PRIMA1: variants seen among roughly 807,000 people sequenced by gnomAD.
PRIMA1 encodes proline-rich membrane anchor 1.
PRIMA1 carries 7 observed loss-of-function variants against 17.5 expected under a neutral mutation model. The ratio of observed to expected loss-of-function variants is 0.40; its 90% CI spans 0.23 to 0.75. The LOEUF is 0.75. Ranked by LOEUF, PRIMA1 falls within the 30% of genes least tolerant of loss-of-function variation. The pLI, the probability that PRIMA1 is intolerant of heterozygous loss-of-function variation, is 0.37. For synonymous variants in PRIMA1, 97 were observed against 77.9 expected, an observed-to-expected ratio of 1.25 and a Z score of -1.29; for missense variants, 200 against 201.8, an observed-to-expected ratio of 0.99 and a Z score of 0.05.
At chr14:93,766,662 G>A (rs551764960) in intron 3 of PRIMA1, among the ~76,000 whole-genome samples, 56 of 152,208 alleles carry the variant, frequency 3.7e-4, no homozygotes, top group Admixed American at 3.3e-3. Context: ...ACAAACCTTT[G>A]GTAAACAAAT....
intron 3 of PRIMA1, among the ~76,000 whole-genome samples, chr14:93,759,202 C>T (rs1214008864): frequency 6.6e-6 from 1 of 152,088 alleles, no homozygotes; most frequent in African/African-American, 2.4e-5. Context: ...AGTTGCTCAG[C>T]GGGTCTCTAT....
chr14:93,738,455 G>A (rs1002669137), intron 3 of PRIMA1, among the ~76,000 whole-genome samples: 9 of 152,190 alleles, frequency 5.9e-5, no homozygotes, highest in African/African-American at 2.2e-4. Context: ...GAGGGAGGAA[G>A]GAAGGGATGG....
chr14:93,769,225 C>T (rs10148032), intron 3 of PRIMA1, among the ~76,000 whole-genome samples: 136,882 of 151,900 alleles, frequency 0.9, 62,355 homozygotes, highest in Non-Finnish European at 0.96. Flanking sequence ...TATACAGTGA[C>T]GAGAGATCTC....
chr14:93,734,944 C>G (rs2141159237), intron 4 of PRIMA1, among the ~76,000 whole-genome samples: 1 of 152,294 alleles, frequency 6.6e-6, no homozygotes, highest in East Asian at 1.9e-4. Context: ...AGCCCCCAGC[C>G]CACCTGAGAC....
chr14:93,749,549 G>A (rs936763300), intron 3 of PRIMA1, among the ~76,000 whole-genome samples: 3 of 152,102 alleles, frequency 2.0e-5, no homozygotes, highest in African/African-American at 7.2e-5. Context: ...ACAACAGGAA[G>A]CTGACAAACA....
At chr14:93,724,081 C>T (rs1419847085) in intron 4 of PRIMA1, among the ~76,000 whole-genome samples, 2 of 152,084 alleles carry the variant, frequency 1.3e-5, no homozygotes, top group Non-Finnish European at 2.9e-5. Context: ...GACAGGGTCT[C>T]GCTATGTTGC....
chr14:93,736,798 A>G (rs1438677490), intron 4 of PRIMA1, among the ~76,000 whole-genome samples: 1 of 152,216 alleles, frequency 6.6e-6, no homozygotes, highest in Non-Finnish European at 1.5e-5. Context: ...GTGGCCCTCT[A>G]ATTTTGGGAG....
intron 3 of PRIMA1, among the ~76,000 whole-genome samples, chr14:93,756,431 A>T (rs932037100): frequency 6.6e-6 from 1 of 152,162 alleles, no homozygotes; most frequent in Non-Finnish European, 1.5e-5. Flanking sequence ...AAATAAATGC[A>T]GCCTTCTTAG....
chr14:93,770,218 G>A (rs971765373), intron 3 of PRIMA1, among the ~76,000 whole-genome samples: 1 of 151,970 alleles, frequency 6.6e-6, no homozygotes, highest in Non-Finnish European at 1.5e-5. Context: ...TCCTCACTGG[G>A]CTCCCAGCCT....
chr14:93,783,398 G>A (rs1885437674), intron 2 of PRIMA1, among the ~76,000 whole-genome samples: 1 of 152,234 alleles, frequency 6.6e-6, no homozygotes, highest in Admixed American at 6.5e-5. Flanking sequence ...GGGAAACACA[G>A]GATCTGTCCC....
intron 3 of PRIMA1, among the ~76,000 whole-genome samples, chr14:93,742,928 G>C (rs2076193395): frequency 6.6e-6 from 1 of 152,232 alleles, no homozygotes; most frequent in African/African-American, 2.4e-5. Flanking sequence ...CGGGCAAACA[G>C]CTTTCCCCGT....
intron 3 of PRIMA1, among the ~76,000 whole-genome samples, chr14:93,766,763 T>C (rs1884903348): frequency 6.6e-6 from 1 of 152,098 alleles, no homozygotes; most frequent in Non-Finnish European, 1.5e-5. Context: ...TTTAATATTT[T>C]CCCATGAACA....
chr14:93,769,960 G>A (rs564646982), intron 3 of PRIMA1, among the ~76,000 whole-genome samples: 10 of 152,240 alleles, frequency 6.6e-5, no homozygotes, highest in South Asian at 6.2e-4. Context: ...CAGATATCAG[G>A]AGGACCAAGG....
intron 4 of PRIMA1, among the ~76,000 whole-genome samples, chr14:93,727,424 C>A (rs1045057472): frequency 1.3e-5 from 2 of 152,228 alleles, no homozygotes; most frequent in Non-Finnish European, 2.9e-5. Flanking sequence ...GAGCCCTGGA[C>A]AGGGACCTCC....
Position 93,721,275 on chromosome 14 carries a change from G to T in PRIMA1, c.*169C>A. On this transcript the variant is annotated 3_prime_UTR_variant, in exon 5 of 5. Coordinates refer to ENST00000393140, the MANE Select transcript of PRIMA1 (RefSeq NM_178013.4). ...TCCGAGCTGCCTGGGCCCGCAGGCT[G>T]ACCAGGGGCAAGCCTGGGAAGACAA... 1 of 584,748 alleles carries T rather than the reference G, an allele frequency of 1.7e-6. No individual in the cohort carries two copies. Among genetic ancestry groups the T allele is most frequent in the Non-Finnish European group, 3.0e-6 (1 of 330,310 alleles). The allele number at this position is 584,748 out of a possible 1,614,324, so 36.2% of individuals were successfully genotyped here.
intron 3 of PRIMA1, among the ~76,000 whole-genome samples, chr14:93,772,649 A>G (rs1480908353): frequency 6.6e-6 from 1 of 152,252 alleles, no homozygotes; most frequent in Non-Finnish European, 1.5e-5. Flanking sequence ...CCTTCCAGAA[A>G]TACCTTCACC....
chr14:93,788,254 A>G (rs1163669717), intron 1 of PRIMA1, among the ~76,000 whole-genome samples, 156 bp downstream of exon 1: 1 of 152,052 alleles, frequency 6.6e-6, no homozygotes, highest in Admixed American at 6.5e-5. Context: ...GCCTGCACCC[A>G]CACTGCCCAG....
rs2076028494 is a variant in PRIMA1 at position 93,720,216 on chromosome 14, G to A, written c.*1228C>T. Reference sequence around the variant, plus strand: ...GATGCAAAATCACCCTGTCTCCGTGGGTTTCCTGATGTGGCCCACAGGGAA... The same window carrying A: ...GATGCAAAATCACCCTGTCTCCGTGAGTTTCCTGATGTGGCCCACAGGGAA... On this transcript the variant is annotated 3_prime_UTR_variant, in exon 5 of 5. Transcript: ENST00000393140. 3 of 152,236 alleles carry A rather than the reference G, an allele frequency of 2.0e-5. No homozygotes were observed. Among genetic ancestry groups the A allele is most frequent in the Admixed American group, 1.3e-4 (2 of 15,286 alleles). 9.4% of individuals were successfully genotyped at this position (152,236 alleles called of 1,614,324 possible). A position where few individuals can be genotyped will look rare whatever the true frequency, so the allele number is the denominator to read the frequency against.
At chr14:93,762,490 G>A (rs6575354) in intron 3 of PRIMA1, among the ~76,000 whole-genome samples, 62,972 of 151,198 alleles carry the variant, frequency 0.42, 13,399 homozygotes, top group Non-Finnish European at 0.45. Flanking sequence ...TGTTCCCCTG[G>A]GACACCACCC....
Sources: gnomAD v4.1 joint callset for allele counts (sites outside exome capture counted in the v4.1 genomes callset) on GRCh38, gnomAD v4.1.1 for gene constraint, MANE v1.5 for transcripts, NCBI Gene and HGNC (gene_info 2026-07-23, HGNC 2026-07-21) for gene names.